Variants in MYH11 observed in about 807,000 individuals in gnomAD.
The protein encoded by MYH11 is myosin heavy chain 11.
MYH11 carries 80 observed loss-of-function variants against 246.6 expected under a neutral mutation model. That is an observed-to-expected ratio of 0.32 (90% CI 0.27 to 0.39). MYH11 has a LOEUF of 0.39. MYH11 is among the 10% of genes least tolerant of loss of function. MYH11 has a pLI of 1.00. For missense variants in MYH11, 2,158 were observed against 2,546.8 expected (o/e 0.85, Z 3.29); for synonymous variants, 1,071 against 1,015.5 (o/e 1.05, Z -1.04).
At chr16:15,720,695 TG>T (rs1353950009) in intron 33 of MYH11, 143 bp downstream of exon 33, 1 of 917,814 alleles carries the variant, frequency 1.1e-6, no homozygotes. Flanking sequence ...ATTACGCCAC[TG>T]CACTCCAGCC....
chr16:15,718,368 C>G lies in MYH11; in HGVS notation c.5242G>C (p.Glu1748Gln). 1.9e-6 allele frequency: 3 copies of G among 1,607,504 alleles called. No homozygotes were observed. Among genetic ancestry groups the G allele is most frequent in the Non-Finnish European group, 2.5e-6 (3 of 1,179,148 alleles). ...CTCATGGCCTCCATGTTGCCCTGCT[C>G]CTCCTCCAGCTCCTCCTCCAGCTGG... is the stretch of plus-strand genomic sequence containing the variant. ...IAQLEEELEE[E>Q]QGNMEAMSDR... Residue 1748 changes from glutamate (E) to glutamine (Q), a missense_variant, in exon 37 of 41, where the codon GAG becomes CAG. Physicochemically the swap from Glu to Gln is conservative, Grantham distance 29. Around this residue, in one of 11 missense-constraint regions of MYH11, gnomAD observed 1,013 missense variants for 993.5 expected, o/e 1.02. Transcript: ENST00000300036.
At chr16:15,740,766 C>G (rs990923141) in intron 22 of MYH11, among the ~76,000 whole-genome samples, 4 of 152,170 alleles carry the variant, frequency 2.6e-5, no homozygotes, top group Non-Finnish European at 5.9e-5. Flanking sequence ...TAATTCTCCT[C>G]CCCTTGAGTG....
chr16:15,838,381 G>T (rs1218584643), intron 1 of MYH11, 112 bp from the exon 2 acceptor site: 31 of 824,130 alleles, frequency 3.8e-5, no homozygotes, highest in Non-Finnish European at 5.4e-5. Flanking sequence ...ATCCCACCAA[G>T]TACAAAGACC....
At chr16:15,748,815 T>C (rs1261343986) in intron 16 of MYH11, among the ~76,000 whole-genome samples, 2 of 152,044 alleles carry the variant, frequency 1.3e-5, no homozygotes, top group Admixed American at 1.3e-4. Context: ...TATAGGGTCT[T>C]GCTATGTTGC....
chr16:15,726,790 C>T (rs2040784666), intron 28 of MYH11, 58 bp downstream of exon 28: 2 of 1,597,944 alleles, frequency 1.3e-6, no homozygotes, highest in Admixed American at 3.3e-5. Flanking sequence ...GAGGCTCCTC[C>T]CCACAGAACT....
intron 1 of MYH11, among the ~76,000 whole-genome samples, chr16:15,848,369 G>A (rs2044251319): frequency 6.6e-6 from 1 of 151,840 alleles, no homozygotes; most frequent in Non-Finnish European, 1.5e-5. Flanking sequence ...AAGTAGCTGG[G>A]ACTACAGGCA....
intron 12 of MYH11, among the ~76,000 whole-genome samples, chr16:15,758,833 A>G (rs2041798147): frequency 6.6e-6 from 1 of 151,566 alleles, no homozygotes; most frequent in East Asian, 1.9e-4. Context: ...GCACAGTGGT[A>G]CACTCCTGTA....
chr16:15,718,410 G>A lies in MYH11; in HGVS notation c.5200C>T (p.Leu1734=). 6.3e-7 allele frequency: 1 copy of A among 1,588,660 alleles called. No individual in the cohort carries two copies. The highest frequency in any genetic ancestry group is 8.6e-7 in the Non-Finnish European group (1 of 1,168,790). Residue 1734 remains leucine, a synonymous_variant, in exon 37 of 41, where the codon CTG becomes TTG. Transcript: ENST00000300036. ...RNALQDEKRR[L]EARIAQLEEE... ...TCCAGCTGGGCGATCCGGGCCTCCA[G>A]GCGGCGCTTCTCGTCCTGGAGTGCG...
chr16:15,837,433 C>T (rs967105312), intron 2 of MYH11, among the ~76,000 whole-genome samples: 1 of 152,048 alleles, frequency 6.6e-6, no homozygotes, highest in Non-Finnish European at 1.5e-5. Flanking sequence ...ACCAAGGCTT[C>T]GAGAGAGGAA....
rs574536449 is a variant in MYH11, at chr16:15,738,495, A to G, written c.3121+70T>C. On this transcript the variant is annotated intron_variant, in intron 24 of 40. Coordinates refer to ENST00000300036, the MANE Select transcript of MYH11 (RefSeq NM_002474.3). Reference sequence around the variant, plus strand: ...ACCACTGCACTGCAGCCTGGGCAACAGAGCAAGACCTCATCTCTAAAAAAA... The same window carrying G: ...ACCACTGCACTGCAGCCTGGGCAACGGAGCAAGACCTCATCTCTAAAAAAA... 6 of 1,452,732 alleles carry G rather than the reference A, an allele frequency of 4.1e-6. No homozygotes were observed. In the East Asian group the frequency reaches 7.6e-5, roughly 18 times the overall value. The allele number at this position is 1,452,732 out of a possible 1,614,324, so 90.0% of individuals were successfully genotyped here.
At chr16:15,728,244 A>C (rs2040856877) in intron 27 of MYH11, among the ~76,000 whole-genome samples, 1 of 152,168 alleles carries the variant, frequency 6.6e-6, no homozygotes, top group Non-Finnish European at 1.5e-5. Flanking sequence ...ATCAATCAAT[A>C]ACTAACATTC....
chr16:15,848,408 A>G (rs986215570), intron 1 of MYH11, among the ~76,000 whole-genome samples: 5 of 151,708 alleles, frequency 3.3e-5, no homozygotes, highest in African/African-American at 4.8e-5. Context: ...TAATTTTTGT[A>G]TTTTTAGTAG....
At chr16:15,783,881 G>A (rs2042409804) in intron 5 of MYH11, among the ~76,000 whole-genome samples, 2 of 152,102 alleles carry the variant, frequency 1.3e-5, no homozygotes, top group East Asian at 1.9e-4. Context: ...AATAAGAACT[G>A]TAATTCTCCT....
chr16:15,721,486 G>T lies in MYH11; in HGVS notation c.4514C>A (p.Thr1505Asn). ...CATTTCGGCTTTGAGCATTTTGTTG[G>T]TCCGCTCGAGTTCCTCTTTGGCTTC... The part of the protein sequence containing the change: ...ALEAKEELER[T>N]NKMLKAEMED... The change falls in exon 32 of 41, where the codon ACC (threonine) becomes AAC (asparagine). Residue 1505 changes from threonine (T) to asparagine (N), a missense_variant. By Grantham distance (65) the Thr-to-Asn change is moderately conservative (BLOSUM62 0). Transcript: ENST00000300036. The T allele has an allele frequency of 6.2e-7, 1 of 1,614,140 alleles. No individual in the cohort carries two copies. The highest frequency in any genetic ancestry group is 8.5e-7 in the Non-Finnish European group (1 of 1,180,026).
At chr16:15,719,087 C>T in intron 36 of MYH11, 133 bp downstream of exon 36, 1 of 850,304 alleles carries the variant, frequency 1.2e-6, no homozygotes, top group Non-Finnish European at 1.9e-6. Flanking sequence ...AAGATTGTGC[C>T]ACTGCCCTCC....
chr16:15,844,394 C>T (rs1183960616), intron 1 of MYH11, among the ~76,000 whole-genome samples: 1 of 152,130 alleles, frequency 6.6e-6, no homozygotes, highest in African/African-American at 2.4e-5. Flanking sequence ...GACGGGGTTT[C>T]ACCATATTGT....
chr16:15,744,831 C>G (rs914843588), intron 20 of MYH11, among the ~76,000 whole-genome samples: 1 of 152,256 alleles, frequency 6.6e-6, no homozygotes, highest in African/African-American at 2.4e-5. Context: ...AATTACAGAA[C>G]TGGAGAACAG....
intron 3 of MYH11, among the ~76,000 whole-genome samples, chr16:15,805,379 A>G (rs1354273336): frequency 1.3e-5 from 2 of 152,220 alleles, no homozygotes; most frequent in Non-Finnish European, 1.5e-5. Context: ...TCCTTACTTA[A>G]TAAATGTCTC....
chr16:15,826,256 C>G (rs572335311), intron 2 of MYH11, among the ~76,000 whole-genome samples: 1 of 152,184 alleles, frequency 6.6e-6, no homozygotes, highest in Middle Eastern at 3.4e-3. Context: ...TCCCAGCCCT[C>G]AAGGGCCTTT....
Sources: gnomAD v4.1 joint callset for allele counts (sites outside exome capture counted in the v4.1 genomes callset) on GRCh38, gnomAD v4.1.1 for gene constraint, gnomAD v4.1.1 regional missense constraint, MANE v1.5 for transcripts, NCBI Gene and HGNC (gene_info 2026-07-23, HGNC 2026-07-21) for gene names.